The following NRXN3 variants were observed in gnomAD, a reference collection of about 807,000 sequenced individuals.
NRXN3 encodes the protein neurexin III.
Under a neutral mutation model 137.6 loss-of-function variants are expected in NRXN3, and 32 were observed. The observed-to-expected ratio is 0.23, with a 90% confidence interval of 0.18 to 0.31. The LOEUF is 0.31. Ranked by LOEUF, NRXN3 falls within the 10% of genes least tolerant of loss-of-function variation. NRXN3 has a pLI of 1.00. For missense variants in NRXN3, 1,574 were observed against 2,062.5 expected, an observed-to-expected ratio of 0.76 and a Z score of 4.59; for synonymous variants, 798 against 784.5, an observed-to-expected ratio of 1.02 and a Z score of -0.29.
intron 4 of NRXN3, among the ~76,000 whole-genome samples, chr14:78,605,819 G>A (rs552730929): frequency 6.6e-6 from 1 of 152,290 alleles, no homozygotes; most frequent in South Asian, 2.1e-4. Context: ...GTACAAAGCT[G>A]CTACATGTAA....
At chr14:79,691,103 T>C (rs940242819) in intron 17 of NRXN3, among the ~76,000 whole-genome samples, 3 of 152,028 alleles carry the variant, frequency 2.0e-5, no homozygotes, top group African/African-American at 7.2e-5. Context: ...CATTTTGTTA[T>C]TTGAAGCATA....
intron 10 of NRXN3, among the ~76,000 whole-genome samples, chr14:78,940,391 T>A (rs2099350786): frequency 6.6e-6 from 1 of 152,228 alleles, no homozygotes; most frequent in Admixed American, 6.5e-5. Context: ...TCTTTCCCTG[T>A]GTTCCTTAGG....
rs537551650 is a variant in NRXN3, at chr14:78,395,558, A to G, written c.757+97698A>G. On this transcript the variant is annotated intron_variant, in intron 4 of 20. Coordinates refer to ENST00000335750, the MANE Select transcript of NRXN3 (RefSeq NM_001330195.2). ...TTAGTTGATGGTGTTACTGGGTTCT[A>G]TCTCTTTGTGATTTTCTATCTAGTT... 1.8e-4 allele frequency among the ~76,000 whole-genome samples: 28 copies of G among 151,760 alleles called. 1 individual carries two copies. The South Asian group carries it at 5.6e-3, about 30-fold the overall frequency.
chr14:78,705,816 C>T (rs956846341), intron 6 of NRXN3, among the ~76,000 whole-genome samples: 5 of 152,216 alleles, frequency 3.3e-5, no homozygotes, highest in Non-Finnish European at 7.3e-5. Flanking sequence ...TATAAATAGA[C>T]AGGTAATTTC....
At chr14:78,782,938 C>T (rs562037189) in intron 8 of NRXN3, among the ~76,000 whole-genome samples, 26 of 152,230 alleles carry the variant, frequency 1.7e-4, no homozygotes, top group African/African-American at 6.0e-4. Flanking sequence ...AGTTTCAACT[C>T]ATAAATGTAG....
At chr14:79,126,327 G>GCC (rs1041148056) in intron 15 of NRXN3, among the ~76,000 whole-genome samples, 2 of 66,470 alleles carry the variant, frequency 3.0e-5, no homozygotes, top group African/African-American at 5.7e-5. Context: ...CCTCCCCCCC[G>GCC]CCCCACCCCA....
intron 20 of NRXN3, among the ~76,000 whole-genome samples, chr14:79,854,570 C>T (rs2099398623): frequency 6.6e-6 from 1 of 152,140 alleles, no homozygotes; most frequent in Non-Finnish European, 1.5e-5. Flanking sequence ...GTTCTTACCA[C>T]CCAAAGAAAG....
At chr14:78,293,648 A>G (rs575240896) in intron 3 of NRXN3, among the ~76,000 whole-genome samples, 1 of 152,080 alleles carries the variant, frequency 6.6e-6, no homozygotes, top group South Asian at 2.1e-4. Flanking sequence ...CCCCTGATCC[A>G]TCTCGTTCAC....
chr14:79,260,564 C>G (rs894871258), intron 15 of NRXN3, among the ~76,000 whole-genome samples: 7 of 152,080 alleles, frequency 4.6e-5, no homozygotes, highest in African/African-American at 1.4e-4. Context: ...TGGTGCTGTT[C>G]TGCACTTCTC....
At chr14:79,693,377 C>T (rs563440155) in intron 18 of NRXN3, among the ~76,000 whole-genome samples, 2 of 152,012 alleles carry the variant, frequency 1.3e-5, no homozygotes, top group African/African-American at 2.4e-5. Flanking sequence ...AAAATCCTCA[C>T]GGAGTGTTAA....
intron 10 of NRXN3, among the ~76,000 whole-genome samples, chr14:78,944,632 A>G (rs2099361682): frequency 6.6e-6 from 1 of 152,192 alleles, no homozygotes; most frequent in Admixed American, 6.5e-5. Flanking sequence ...ATGCTTCTGT[A>G]AGCCAAGGAA....
At chr14:79,318,341 C>A (rs1197705084) in intron 15 of NRXN3, among the ~76,000 whole-genome samples, 1 of 152,182 alleles carries the variant, frequency 6.6e-6, no homozygotes, top group African/African-American at 2.4e-5. Context: ...TGTGAAGAAG[C>A]AATTAGGGAA....
At position 79,131,903 on chromosome 14, in the gene NRXN3, G is replaced by C. The variant is rs189706149; in HGVS notation, c.3262+143762G>C. Among the ~76,000 whole-genome samples the C allele has an allele frequency of 1.3e-3, 204 of 152,338 alleles. 1 individual carries two copies. Among genetic ancestry groups the C allele is most frequent in the Middle Eastern group, 0.01 (3 of 294 alleles). On this transcript the variant is annotated intron_variant, in intron 15 of 20. Transcript: ENST00000335750. Reference sequence around the variant, plus strand: ...TGGTGTGCCGTTTTTTAAGCCTGTCGGAAAAACACAGTATTCGGGTGGGAG... The same window carrying C: ...TGGTGTGCCGTTTTTTAAGCCTGTCCGAAAAACACAGTATTCGGGTGGGAG...
chr14:79,025,688 A>G (rs942396384), intron 15 of NRXN3, among the ~76,000 whole-genome samples: 1 of 152,148 alleles, frequency 6.6e-6, no homozygotes, highest in African/African-American at 2.4e-5. Context: ...ATTTTATCTT[A>G]CAAAAGATGC....
chr14:78,847,700 T>G (rs2099031221), intron 10 of NRXN3, among the ~76,000 whole-genome samples: 1 of 152,132 alleles, frequency 6.6e-6, no homozygotes, highest in South Asian at 2.1e-4. Flanking sequence ...AAGCTTGTGC[T>G]TTACAATTCC....
chr14:78,358,502 C>G (rs1017256281), intron 4 of NRXN3, among the ~76,000 whole-genome samples: 4 of 152,262 alleles, frequency 2.6e-5, no homozygotes, highest in Admixed American at 2.0e-4. Flanking sequence ...CTGGTATAAC[C>G]GCTTGCTTCA....
chr14:78,376,222 T>C (rs2153625229), intron 4 of NRXN3, among the ~76,000 whole-genome samples: 1 of 152,272 alleles, frequency 6.6e-6, no homozygotes, highest in South Asian at 2.1e-4. Context: ...CTAACATATA[T>C]GAGTGATGCA....
intron 15 of NRXN3, among the ~76,000 whole-genome samples, chr14:79,046,106 A>C (rs2099632704): frequency 6.6e-6 from 1 of 152,216 alleles, no homozygotes; most frequent in Non-Finnish European, 1.5e-5. Context: ...ATCTGCTTTC[A>C]CCAACTGATC....
chr14:78,176,045 T>C (rs1403608138), intron 1 of NRXN3, among the ~76,000 whole-genome samples: 2 of 152,176 alleles, frequency 1.3e-5, no homozygotes, highest in Non-Finnish European at 2.9e-5. Context: ...GCTCAACAAA[T>C]GTTTGTCGAT....
Sources: allele counts gnomAD v4.1 joint callset (sites outside exome capture counted in the v4.1 genomes callset), GRCh38; gene constraint gnomAD v4.1.1; transcripts MANE v1.5; gene names NCBI Gene and HGNC (gene_info 2026-07-23, HGNC 2026-07-21).